The following L3MBTL4 variants were observed in gnomAD, a reference collection of about 807,000 sequenced individuals.
The protein encoded by L3MBTL4 is L3MBTL histone methyl-lysine binding protein 4, also known as lethal(3)malignant brain tumor-like protein 4.
In L3MBTL4, 70 loss-of-function variants were observed where a neutral mutation model predicts 84.5. The ratio of observed to expected loss-of-function variants is 0.83; its 90% CI spans 0.68 to 1.01. The LOEUF is 1.01. L3MBTL4 is among the 50% of genes least tolerant of loss of function. The pLI, the probability that L3MBTL4 is intolerant of heterozygous loss-of-function variation, is 0.00. For synonymous variants in L3MBTL4, 274 were observed against 259.8 expected, an observed-to-expected ratio of 1.05 and a Z score of -0.52; for missense variants, 715 against 754.8, an observed-to-expected ratio of 0.95 and a Z score of 0.62.
At chr18:6,240,688 C>T (rs1213129007) in intron 8 of L3MBTL4, among the ~76,000 whole-genome samples, 1 of 152,156 alleles carries the variant, frequency 6.6e-6, no homozygotes, top group Admixed American at 6.5e-5. Context: ...AGCAACTTCA[C>T]GTTTTAATAG....
chr18:6,068,725 C>CCCTTT lies in L3MBTL4; in HGVS notation c.1444+12151_1444+12155dup, dbSNP rs566381325. ...GTGGTGTACCAGTGGGAAAAGGACC[C>CCCTTT]CCTTTCCAAGCCCCTTTATGATCAG... On this transcript the variant is annotated intron_variant, in intron 16 of 18. Transcript: ENST00000317931. Among the ~76,000 whole-genome samples the CCCTTT allele has an allele frequency of 3.7e-3, 562 of 152,292 alleles. 2 individuals carry two copies. The highest frequency in any genetic ancestry group is 0.013 in the African/African-American group (547 of 41,554).
At chr18:6,218,181 G>A (rs2046403907) in intron 10 of L3MBTL4, among the ~76,000 whole-genome samples, 1 of 152,156 alleles carries the variant, frequency 6.6e-6, no homozygotes, top group African/African-American at 2.4e-5. Context: ...TTCTGACACA[G>A]TCATAGAGGA....
intron 3 of L3MBTL4, among the ~76,000 whole-genome samples, chr18:6,308,745 T>C (rs1248790465): frequency 1.3e-5 from 2 of 152,202 alleles, no homozygotes; most frequent in African/African-American, 4.8e-5. Context: ...TTTGGAATTT[T>C]TAGCTGTCTT....
In L3MBTL4 at chr18:6,345,414, A is replaced by C. The variant is rs1313479200; in HGVS notation, c.-90-33358T>G. On this transcript the variant is annotated intron_variant, in intron 1 of 18. Coordinates refer to ENST00000317931, the MANE Select transcript of L3MBTL4 (RefSeq NM_001330559.2). ...CCGTCTCAAAAACAAACAAACAAACAAACAAACAAAAAAAACCATAAAGAT... is the reference window on the plus strand; with the variant it reads ...CCGTCTCAAAAACAAACAAACAAACCAACAAACAAAAAAAACCATAAAGAT... Among the ~76,000 whole-genome samples, 4 of 151,626 alleles carry C rather than the reference A, an allele frequency of 2.6e-5. No homozygotes were observed. The East Asian group carries it at 7.8e-4, about 30-fold the overall frequency.
intron 1 of L3MBTL4, among the ~76,000 whole-genome samples, chr18:6,347,583 A>G (rs1350843342): frequency 6.6e-6 from 1 of 151,870 alleles, no homozygotes; most frequent in Admixed American, 6.6e-5. Flanking sequence ...AACAGATACA[A>G]AAAACCAACT....
chr18:6,257,195 G>C (rs1048692458), intron 5 of L3MBTL4, among the ~76,000 whole-genome samples: 10 of 152,138 alleles, frequency 6.6e-5, no homozygotes, highest in African/African-American at 9.7e-5. Context: ...CACACAGTGA[G>C]GGGAAGCAGT....
chr18:6,181,157 A>ATT (rs111379337), intron 12 of L3MBTL4, among the ~76,000 whole-genome samples: 7,263 of 143,600 alleles, frequency 0.051, 617 homozygotes, highest in African/African-American at 0.17. Context: ...GGTGAGGACA[A>ATT]TTTTTTTTTT....
At chr18:6,263,897 C>T (rs1038068571) in intron 5 of L3MBTL4, 50 bp downstream of exon 5, 5 of 1,215,398 alleles carry the variant, frequency 4.1e-6, no homozygotes, top group Non-Finnish European at 4.9e-6. Context: ...TTAAACTAAA[C>T]CTCTTAAGTG....
rs761595388 is a variant in L3MBTL4, at chr18:6,311,576, C to T, written c.50G>A (p.Arg17His). The T allele has an allele frequency of 5.2e-5, 84 of 1,613,332 alleles. No homozygotes were observed. Among genetic ancestry groups the T allele is most frequent in the Admixed American group, 1.2e-4 (7 of 59,976 alleles). ...KRKLNMDSKERLDQDGRLEQA... is the reference protein window; with the variant it reads ...KRKLNMDSKEHLDQDGRLEQA... ...TACCAAGCGTCCGTCCTGATCCAAACGCTCTTTGGAATCCATATTAAGCTT... is the reference window on the plus strand; with the variant it reads ...TACCAAGCGTCCGTCCTGATCCAAATGCTCTTTGGAATCCATATTAAGCTT... The change falls in exon 3 of 19, where the codon CGT (arginine) becomes CAT (histidine). Residue 17 changes from arginine to histidine, a missense_variant. Coordinates refer to ENST00000317931, the MANE Select transcript of L3MBTL4 (RefSeq NM_001330559.2).
chr18:6,231,962 T>C (rs1444164845), intron 10 of L3MBTL4, among the ~76,000 whole-genome samples: 1 of 152,130 alleles, frequency 6.6e-6, no homozygotes, highest in Non-Finnish European at 1.5e-5. Flanking sequence ...TTTACCTTGT[T>C]CCTGATCTTA....
chr18:6,318,203 A>G (rs79402590), intron 1 of L3MBTL4, among the ~76,000 whole-genome samples: 3,116 of 152,132 alleles, frequency 0.02, 47 homozygotes, highest in Non-Finnish European at 0.031. Context: ...CAATAAGAAA[A>G]CAAACCATCT....
At chr18:6,125,087 A>T (rs2059645979) in intron 14 of L3MBTL4, among the ~76,000 whole-genome samples, 1 of 152,162 alleles carries the variant, frequency 6.6e-6, no homozygotes, top group South Asian at 2.1e-4. Context: ...ACATTAGAAT[A>T]ACCAATAGAA....
intron 1 of L3MBTL4, among the ~76,000 whole-genome samples, chr18:6,409,376 A>T (rs2055871541): frequency 6.6e-6 from 1 of 152,204 alleles, no homozygotes; most frequent in South Asian, 2.1e-4. Context: ...GAACGATGAA[A>T]ATTAAGCAAT....
intron 13 of L3MBTL4, among the ~76,000 whole-genome samples, chr18:6,154,237 T>A (rs1303900720): frequency 6.6e-6 from 1 of 152,226 alleles, no homozygotes; most frequent in African/African-American, 2.4e-5. Flanking sequence ...CATCTCTTAA[T>A]ATTTGCTTTA....
In L3MBTL4 at chr18:6,199,084, T is replaced by C. The variant is rs2045534307; in HGVS notation, c.981+14065A>G. ...TTTTTAAGCTTATGATGTTCACTAG[T>C]GATGTTAAAGAGACAGCAAATAGTT... On this transcript the variant is annotated intron_variant, in intron 12 of 18. Coordinates refer to ENST00000317931, the MANE Select transcript of L3MBTL4 (RefSeq NM_001330559.2). 3.9e-5 allele frequency among the ~76,000 whole-genome samples: 6 copies of C among 152,272 alleles called. No homozygotes were observed. The South Asian group carries it at 1.2e-3, about 32-fold the overall frequency.
At chr18:5,963,110 G>C (rs752005625) in intron 17 of L3MBTL4, among the ~76,000 whole-genome samples, 1 of 152,176 alleles carries the variant, frequency 6.6e-6, no homozygotes, top group Non-Finnish European at 1.5e-5. Context: ...CCCATGTTTT[G>C]TCAGATGTCA....
rs934872044 is a variant in L3MBTL4 at position 6,082,372 on chromosome 18, T to C, written c.1374-1421A>G. 2.6e-5 allele frequency: 4 copies of C among 152,268 alleles called. No homozygotes were observed. In the East Asian group the frequency reaches 5.8e-4, roughly 22 times the overall value. The allele number at this position is 152,268 out of a possible 1,614,324, so 9.4% of individuals were successfully genotyped here. Reference sequence around the variant, plus strand: ...CATTCTTGTAGGAGAAAATATAAACTATAGAAAAGTGGCTTAAATGTAAGC... The same window carrying C: ...CATTCTTGTAGGAGAAAATATAAACCATAGAAAAGTGGCTTAAATGTAAGC... On this transcript the variant is annotated intron_variant, in intron 15 of 18. Coordinates refer to ENST00000317931, the MANE Select transcript of L3MBTL4 (RefSeq NM_001330559.2).
intron 16 of L3MBTL4, chr18:6,080,155 CA>C (rs2058024652): frequency 2.0e-5 from 3 of 152,282 alleles, no homozygotes; most frequent in Admixed American, 2.0e-4. Flanking sequence ...GGACTTCTAC[CA>C]GGTCAGTAGA....
intron 10 of L3MBTL4, among the ~76,000 whole-genome samples, chr18:6,236,589 T>G (rs565034889): frequency 2.6e-5 from 4 of 152,110 alleles, no homozygotes; most frequent in Non-Finnish European, 5.9e-5. Flanking sequence ...GCACACCAAC[T>G]CAAACCACAC....
Sources: gnomAD v4.1 joint callset for allele counts (sites outside exome capture counted in the v4.1 genomes callset) on GRCh38, gnomAD v4.1.1 for gene constraint, MANE v1.5 for transcripts, NCBI Gene and HGNC (gene_info 2026-07-23, HGNC 2026-07-21) for gene names.